CYP17A1: variants seen among roughly 807,000 people sequenced by gnomAD.
CYP17A1 encodes the protein cytochrome P450 family 17 subfamily A member 1.
A neutral mutation model predicts 38.5 loss-of-function variants in CYP17A1; 27 were observed. The ratio of observed to expected loss-of-function variants is 0.70; its 90% CI spans 0.52 to 0.97. CYP17A1 has a LOEUF of 0.97. Among genes scored for constraint, CYP17A1 ranks in the 50% least tolerant of loss-of-function variants. The pLI, the probability that CYP17A1 is intolerant of heterozygous loss-of-function variation, is 0.00. For missense variants in CYP17A1, 549 were observed against 645.9 expected (o/e 0.85, Z 1.63); for synonymous variants, 263 against 253.3 (o/e 1.04, Z -0.36).
At position 102,833,881 on chromosome 10, in the gene CYP17A1, C is replaced by A. The variant is rs148246693; in HGVS notation, c.753+155G>T. 1,528 of 612,174 alleles carry A rather than the reference C, an allele frequency of 2.5e-3. 7 individuals carry two copies. The African/African-American group carries it at 0.025, about 10-fold the overall frequency. The allele number at this position is 612,174 out of a possible 1,614,324, so 37.9% of individuals were successfully genotyped here. A position where few individuals can be genotyped will look rare whatever the true frequency, so the allele number is the denominator to read the frequency against. On this transcript the variant is annotated intron_variant, in intron 4 of 7. Coordinates refer to ENST00000369887, the MANE Select transcript of CYP17A1 (RefSeq NM_000102.4). Reference sequence around the variant, plus strand: ...TGTTGGGATTACAGGCGTGAGCCACCGCGCCCAGCCCTTAAGTCAGTTTTT... The same window carrying A: ...TGTTGGGATTACAGGCGTGAGCCACAGCGCCCAGCCCTTAAGTCAGTTTTT...
chr10:102,831,631 G>T lies in CYP17A1; in HGVS notation c.1140-20C>A. 6.2e-7 allele frequency: 1 copy of T among 1,612,696 alleles called. No homozygotes were observed. The highest frequency in any genetic ancestry group is 8.5e-7 in the Non-Finnish European group (1 of 1,179,936). ...CCGATGCTGCTCCAGAGTGGAAGAG[G>T]AAAAGTGGGTCTGGGACTTCGTACT... On this transcript the variant is annotated intron_variant, in intron 6 of 7. Coordinates refer to ENST00000369887, the MANE Select transcript of CYP17A1 (RefSeq NM_000102.4).
chr10:102,836,669 T>C, intron 1 of CYP17A1: 1 of 234,210 alleles, frequency 4.3e-6, no homozygotes, highest in Non-Finnish European at 8.5e-6. Flanking sequence ...GCCCCCATTT[T>C]CCATGAAAAG....
At chr10:102,834,426 C>G (rs1844132547) in intron 3 of CYP17A1, 2 of 550,244 alleles carry the variant, frequency 3.6e-6, no homozygotes, top group African/African-American at 3.8e-5. Flanking sequence ...AGCCTGAAGG[C>G]TCAGACAAGC....
At chr10:102,833,243 A>G (rs1402569697) in intron 4 of CYP17A1, 35 bp from the exon 5 acceptor site, 1 of 1,613,704 alleles carries the variant, frequency 6.2e-7, no homozygotes, top group Non-Finnish European at 8.5e-7. Context: ...ATTAATAAGG[A>G]AGGAGCCCCA....
chr10:102,831,238 C>T (rs767417494), intron 7 of CYP17A1, among the ~76,000 whole-genome samples: 4 of 152,110 alleles, frequency 2.6e-5, no homozygotes, highest in African/African-American at 4.8e-5. Context: ...TAGCACCATC[C>T]GAGGGGAGAA....
In CYP17A1 at chr10:102,835,256, A is replaced by G. The variant is rs1590204077; in HGVS notation, c.434T>C (p.Ile145Thr). The G allele has an allele frequency of 1.2e-6, 2 of 1,613,220 alleles. No individual in the cohort carries two copies. Among genetic ancestry groups the G allele is most frequent in the Non-Finnish European group, 1.7e-6 (2 of 1,179,254 alleles). The stretch of plus-strand genomic sequence containing the variant: ...CCAGGGGCCAGCCTGGCACTCACTG[A>G]TCTTCTCCAGCTTCTGATCGCCATC... Reference protein sequence around the residue: ...FKDGDQKLEKIICQEISTLCD... With the variant: ...FKDGDQKLEKTICQEISTLCD... The change falls in exon 2 of 8, where the codon ATC becomes ACC. Residue 145 changes from isoleucine to threonine, a missense_variant and splice_region_variant. Coordinates refer to ENST00000369887, the MANE Select transcript of CYP17A1 (RefSeq NM_000102.4).
chr10:102,833,660 T>C (rs911105435), intron 4 of CYP17A1: 4 of 282,152 alleles, frequency 1.4e-5, no homozygotes, highest in African/African-American at 8.9e-5. Flanking sequence ...TTCTCCATGT[T>C]GGTCAGGCTG....
At chr10:102,833,445 A>T in intron 4 of CYP17A1, 1 of 593,826 alleles carries the variant, frequency 1.7e-6, no homozygotes, top group Non-Finnish European at 2.7e-6. Context: ...TTCGATCCCA[A>T]CTCCTTGAGT....
intron 4 of CYP17A1, chr10:102,833,474 T>TC: frequency 2.1e-6 from 1 of 475,004 alleles, no homozygotes; most frequent in Non-Finnish European, 3.7e-6. Context: ...TTTTTTTTTT[T>TC]GAGACAGAAT....
chr10:102,835,059 TTACCCCCTCTCTG>T (rs758206006), intron 2 of CYP17A1, 45 bp from the exon 3 acceptor site: 27 of 1,265,638 alleles, frequency 2.1e-5, no homozygotes, highest in South Asian at 4.8e-5. Context: ...ATCAGCACCC[TTACCCCCTCTCTG>T]TACCAGTTGC....
At chr10:102,835,087 T>G in intron 2 of CYP17A1, 73 bp from the exon 3 acceptor site, 2 of 1,148,530 alleles carry the variant, frequency 1.7e-6, no homozygotes, top group Non-Finnish European at 1.3e-6. Context: ...AGTTGCCTCT[T>G]AACAGGAGCG....
chr10:102,832,849 G>T, intron 5 of CYP17A1, 144 bp downstream of exon 5: 1 of 1,497,246 alleles, frequency 6.7e-7, no homozygotes. Flanking sequence ...TCTACTCTGG[G>T]GTCAAAGCCA....
In CYP17A1 at chr10:102,832,537, GA is replaced by G; in HGVS notation, c.1112del (p.Ile371ThrfsTer48). On this transcript the variant is annotated frameshift_variant, in exon 6 of 8. Transcript: ENST00000369887. LOFTEE classifies it high-confidence loss of function. Reference sequence around the variant, plus strand: ...TGGAGTCAACGTTGGCCTTGTGGGGGATGAGCATAGGGGCCACGGGCCTGAG... The same window carrying G: ...TGGAGTCAACGTTGGCCTTGTGGGGGTGAGCATAGGGGCCACGGGCCTGAG... ...LRLRPVAPMLIPHKANVDSSI... is the reference protein window; with the variant it reads ...LRLRPVAPMLXPHKANVDSSI... 1 of 1,611,506 alleles carries G rather than the reference GA, an allele frequency of 6.2e-7. No homozygotes were observed. The highest frequency in any genetic ancestry group is 1.3e-5 in the African/African-American group (1 of 74,998).
At chr10:102,835,128 C>A in intron 2 of CYP17A1, 114 bp from the exon 3 acceptor site, 1 of 1,086,616 alleles carries the variant, frequency 9.2e-7, no homozygotes, top group South Asian at 1.3e-5. Flanking sequence ...CACTAGATGG[C>A]AGCAGTAGCC....
chr10:102,830,952 A>G lies in CYP17A1; in HGVS notation c.1277T>C (p.Ile426Thr). The G allele has an allele frequency of 6.3e-7, 1 of 1,578,922 alleles. No individual in the cohort carries two copies. The change falls in exon 8 of 8, where the codon ATC (isoleucine) becomes ACC (threonine). Residue 426 changes from isoleucine (I) to threonine (T), a missense_variant. Ile to Thr is a moderately conservative substitution (Grantham distance 89). Transcript: ENST00000369887. The surrounding 1 kb of genome is among the most constrained non-coding windows in gnomAD (Gnocchi z 4.1). ...GGGCAAATAGCTTACTGACGGTGAG[A>G]TGAGCTGGGTCCCCGCTGGATTCAA... ...RFLNPAGTQL[I>T]SPSVSYLPFG...
At chr10:102,833,354 A>G in intron 4 of CYP17A1, 146 bp from the exon 5 acceptor site, 2 of 1,507,406 alleles carry the variant, frequency 1.3e-6, no homozygotes, top group Non-Finnish European at 1.8e-6. Context: ...GAACTTGTGG[A>G]GGTAGGAGGC....
At chr10:102,832,164 C>A (rs1844098634) in intron 6 of CYP17A1, among the ~76,000 whole-genome samples, 2 of 152,158 alleles carry the variant, frequency 1.3e-5, no homozygotes, top group South Asian at 4.1e-4. Flanking sequence ...ACCTCCGCCG[C>A]CTTGGTTCAA....
rs774980374 is a variant in CYP17A1, at chr10:102,835,335, C to T, written c.355G>A (p.Ala119Thr). 4.3e-6 allele frequency: 7 copies of T among 1,610,408 alleles called. No individual in the cohort carries two copies. The Admixed American group carries it at 5.0e-5, about 12-fold the overall frequency. The change falls in exon 2 of 8, where the codon GCA becomes ACA. Residue 119 changes from alanine to threonine, a missense_variant. Ala to Thr is a moderately conservative substitution (Grantham distance 58). Transcript: ENST00000369887. ...AGCCTTCGATGCAGCTGCCAGTGTG[C>T]GCCAGAGTCAGCGAAGGCGATACCC... ...RKGIAFADSG[A>T]HWQLHRRLAM...
Position 102,835,297 on chromosome 10 carries a change from G to T in CYP17A1, c.393C>A (p.Thr131=). Reference sequence around the variant, plus strand: ...GATCGCCATCCTTGAACAGGGCAAAGGTGGCCATCGCCAGCCTTCGATGCA... The same window carrying T: ...GATCGCCATCCTTGAACAGGGCAAATGTGGCCATCGCCAGCCTTCGATGCA... ...WQLHRRLAMA[T]FALFKDGDQK... is the part of the protein sequence containing the mutation. Residue 131 remains threonine, a synonymous_variant, in exon 2 of 8, where the codon ACC becomes ACA. Coordinates refer to ENST00000369887, the MANE Select transcript of CYP17A1 (RefSeq NM_000102.4). The T allele has an allele frequency of 1.2e-6, 2 of 1,613,094 alleles. No individual in the cohort carries two copies. Among genetic ancestry groups the T allele is most frequent in the South Asian group, 1.1e-5 (1 of 91,062 alleles).
Sources: allele counts gnomAD v4.1 joint callset (sites outside exome capture counted in the v4.1 genomes callset), GRCh38; gene constraint gnomAD v4.1.1; non-coding constraint Gnocchi (gnomAD v3.1); transcripts MANE v1.5; gene names NCBI Gene and HGNC (gene_info 2026-07-23, HGNC 2026-07-21).